NOVA1: variants seen among roughly 807,000 people sequenced by gnomAD.
NOVA1 encodes RNA-binding protein Nova-1.
NOVA1 carries 7 observed loss-of-function variants against 38.0 expected under a neutral mutation model. The ratio of observed to expected loss-of-function variants is 0.18; its 90% CI spans 0.10 to 0.35. NOVA1 has a LOEUF of 0.35. Among genes scored for constraint, NOVA1 ranks in the 10% least tolerant of loss-of-function variants. NOVA1 has a pLI of 1.00. For missense variants in NOVA1, 460 were observed against 616.0 expected, an observed-to-expected ratio of 0.75 and a Z score of 2.68; for synonymous variants, 270 against 232.5, an observed-to-expected ratio of 1.16 and a Z score of -1.47.
intron 2 of NOVA1, among the ~76,000 whole-genome samples, chr14:26,546,729 A>G (rs1403757510): frequency 6.6e-6 from 1 of 152,162 alleles, no homozygotes; most frequent in Admixed American, 6.6e-5. Context: ...TGAAAAATTC[A>G]TATAACTTGG....
chr14:26,448,819 T>C lies in NOVA1; in HGVS notation c.664A>G (p.Thr222Ala), dbSNP rs1882358743. ...TTTTGTTCAGGTTCTCCACTCACAG[T>C]GACAACCCTCTCTTGCAAGTTGATC... ...DGINLQERVV[T>A]VSGEPEQNRK... Residue 222 changes from threonine (T) to alanine (A), a missense_variant, in exon 5 of 5, where the codon ACT becomes GCT. Thr to Ala is a moderately conservative substitution (Grantham distance 58). Coordinates refer to ENST00000539517, the MANE Select transcript of NOVA1 (RefSeq NM_002515.3). This position sits in a 1 kb window ranked among gnomAD's most constrained non-coding sequence, Gnocchi z 5.3. The C allele has an allele frequency of 1.2e-6, 2 of 1,614,038 alleles. No individual in the cohort carries two copies. The highest frequency in any genetic ancestry group is 1.7e-5 in the Admixed American group (1 of 59,982).
At chr14:26,471,598 A>G (rs1884596802) in intron 4 of NOVA1, among the ~76,000 whole-genome samples, 1 of 151,940 alleles carries the variant, frequency 6.6e-6, no homozygotes, top group Non-Finnish European at 1.5e-5. Context: ...GAATTACACA[A>G]ATATTTTAGA....
intron 4 of NOVA1, among the ~76,000 whole-genome samples, chr14:26,469,170 C>T (rs1480039316): frequency 2.0e-5 from 3 of 152,138 alleles, no homozygotes; most frequent in Non-Finnish European, 4.4e-5. Flanking sequence ...CAATATGAAA[C>T]ACATGCACAG....
chr14:26,453,185 T>C (rs1566431676), intron 4 of NOVA1, among the ~76,000 whole-genome samples: 1 of 65,120 alleles, frequency 1.5e-5, no homozygotes, highest in African/African-American at 3.9e-5. Context: ...TGTATGTATG[T>C]ATGTATGTAT....
At chr14:26,458,888 G>A (rs1204328415) in intron 4 of NOVA1, among the ~76,000 whole-genome samples, 2 of 152,082 alleles carry the variant, frequency 1.3e-5, no homozygotes, top group Non-Finnish European at 2.9e-5. Context: ...CAACATGTTA[G>A]TGTTTTAAGC....
chr14:26,444,787 T>G lies in NOVA1; in HGVS notation c.*3172A>C, dbSNP rs953049894. The stretch of plus-strand genomic sequence containing the variant: ...AAGGCAGCCGTTTAAAAAGTCTAGG[T>G]GCAATGTTGTGGTGCTGAAAGAAAA... On this transcript the variant is annotated 3_prime_UTR_variant, in exon 5 of 5. Transcript: ENST00000539517. 3 of 151,254 alleles carry G rather than the reference T, an allele frequency of 2.0e-5. No individual in the cohort carries two copies. The South Asian group carries it at 6.3e-4, about 32-fold the overall frequency. 9.4% of individuals were successfully genotyped at this position (151,254 alleles called of 1,614,324 possible).
At chr14:26,454,941 T>C (rs1448267255) in intron 4 of NOVA1, among the ~76,000 whole-genome samples, 1 of 152,186 alleles carries the variant, frequency 6.6e-6, no homozygotes, top group Non-Finnish European at 1.5e-5. Flanking sequence ...CTACATTGAA[T>C]TGTTGAACAA....
chr14:26,500,497 C>T (rs554343352), intron 2 of NOVA1, among the ~76,000 whole-genome samples: 1 of 151,286 alleles, frequency 6.6e-6, no homozygotes, highest in African/African-American at 2.4e-5. Flanking sequence ...TATCCTACCT[C>T]CCAGGAGAAA....
At chr14:26,451,519 C>T (rs1285398402) in intron 4 of NOVA1, among the ~76,000 whole-genome samples, 2 of 152,068 alleles carry the variant, frequency 1.3e-5, no homozygotes, top group Admixed American at 6.6e-5. Flanking sequence ...AAGGCATGCG[C>T]CACCATGCCC....
chr14:26,588,987 CA>C (rs1256742263), intron 2 of NOVA1, among the ~76,000 whole-genome samples: 1 of 150,410 alleles, frequency 6.6e-6, no homozygotes, highest in Non-Finnish European at 1.5e-5. Context: ...ACATAGTTTA[CA>C]AAACAAAAAA....
At position 26,447,894 on chromosome 14, in the gene NOVA1, A is replaced by G. The variant is rs146029813; in HGVS notation, c.*65T>C. The G allele has an allele frequency of 7.6e-7, 1 of 1,309,514 alleles. No homozygotes were observed. The highest frequency in any genetic ancestry group is 1.1e-6 in the Non-Finnish European group (1 of 915,242). The allele number at this position is 1,309,514 out of a possible 1,614,324, so 81.1% of individuals were successfully genotyped here. ...GAAAAACTTCACTTCTGCAAAGTAC[A>G]GTACATCCTTCTTGAAAATGGGGTA... On this transcript the variant is annotated 3_prime_UTR_variant, in exon 5 of 5. Coordinates refer to ENST00000539517, the MANE Select transcript of NOVA1 (RefSeq NM_002515.3).
intron 2 of NOVA1, among the ~76,000 whole-genome samples, chr14:26,577,003 C>A (rs753230276): frequency 1.3e-5 from 2 of 151,878 alleles, no homozygotes; most frequent in Non-Finnish European, 2.9e-5. Flanking sequence ...TTGACCTACT[C>A]TTCCCATTTC....
At chr14:26,527,777 A>C (rs888882237) in intron 2 of NOVA1, among the ~76,000 whole-genome samples, 10 of 152,190 alleles carry the variant, frequency 6.6e-5, no homozygotes, top group African/African-American at 2.4e-4. Context: ...ACTATTTCAC[A>C]CATGTCGATT....
intron 2 of NOVA1, among the ~76,000 whole-genome samples, chr14:26,510,467 A>T (rs544582143): frequency 1.2e-4 from 19 of 152,370 alleles, no homozygotes; most frequent in African/African-American, 4.6e-4. Context: ...TTAAAATGAA[A>T]TTCTTGATAA....
At chr14:26,465,459 C>G (rs1884036815) in intron 4 of NOVA1, among the ~76,000 whole-genome samples, 1 of 152,206 alleles carries the variant, frequency 6.6e-6, no homozygotes, top group South Asian at 2.1e-4. Context: ...GCGTGAGCCA[C>G]TGCACCCGGC....
At chr14:26,566,133 G>A (rs1892123015) in intron 2 of NOVA1, among the ~76,000 whole-genome samples, 1 of 152,072 alleles carries the variant, frequency 6.6e-6, no homozygotes, top group Admixed American at 6.6e-5. Flanking sequence ...TAACAGCTTA[G>A]CAAAATCTTA....
At chr14:26,583,842 G>A (rs1418266876) in intron 2 of NOVA1, among the ~76,000 whole-genome samples, 3 of 148,738 alleles carry the variant, frequency 2.0e-5, no homozygotes, top group African/African-American at 7.5e-5. Context: ...ACAATGTTTT[G>A]ACAATATACC....
At chr14:26,505,842 T>C (rs1594423042) in intron 2 of NOVA1, among the ~76,000 whole-genome samples, 1 of 152,198 alleles carries the variant, frequency 6.6e-6, no homozygotes, top group Admixed American at 6.5e-5. Flanking sequence ...AATTAAAACA[T>C]AGTGTTTGAA....
intron 2 of NOVA1, among the ~76,000 whole-genome samples, chr14:26,537,767 T>C (rs1566516374): frequency 6.6e-6 from 1 of 152,088 alleles, no homozygotes; most frequent in African/African-American, 2.4e-5. Flanking sequence ...CAGTGATAAG[T>C]GCTGTGAAGA....
Sources: allele counts gnomAD v4.1 joint callset (sites outside exome capture counted in the v4.1 genomes callset), GRCh38; gene constraint gnomAD v4.1.1; non-coding constraint Gnocchi (gnomAD v3.1); transcripts MANE v1.5; gene names NCBI Gene and HGNC (gene_info 2026-07-23, HGNC 2026-07-21).